LRBA: variants seen among roughly 807,000 people sequenced by gnomAD.
The protein encoded by LRBA is lipopolysaccharide-responsive and beige-like anchor protein.
LRBA carries 176 observed loss-of-function variants against 330.0 expected under a neutral mutation model. That is an observed-to-expected ratio of 0.53 (90% CI 0.47 to 0.60). LRBA has a LOEUF of 0.60. Among genes scored for constraint, LRBA ranks in the 20% least tolerant of loss-of-function variants. LRBA has a pLI of 0.00. For missense variants in LRBA, 3,259 were observed against 3,444.8 expected, an observed-to-expected ratio of 0.95 and a Z score of 1.35; for synonymous variants, 1,230 against 1,193.0, an observed-to-expected ratio of 1.03 and a Z score of -0.64.
At chr4:150,480,393 G>T (rs192258178) in intron 42 of LRBA, among the ~76,000 whole-genome samples, 1 of 151,654 alleles carries the variant, frequency 6.6e-6, no homozygotes, top group East Asian at 1.9e-4. Flanking sequence ...TACACATACA[G>T]GTTTTAATTA....
intron 48 of LRBA, among the ~76,000 whole-genome samples, chr4:150,349,205 A>G (rs1179299742): frequency 1.3e-5 from 2 of 152,314 alleles, no homozygotes; most frequent in Non-Finnish European, 2.9e-5. Flanking sequence ...GAATGCATCA[A>G]GTGCTAGGGA....
intron 17 of LRBA, among the ~76,000 whole-genome samples, chr4:150,876,993 C>T (rs182798014): frequency 3.9e-4 from 59 of 152,250 alleles, no homozygotes; most frequent in Non-Finnish European, 1.0e-4. Flanking sequence ...GTGGCTCACG[C>T]CTGTAATCCC....
rs1729936072 is a variant in LRBA at position 150,728,039 on chromosome 4, AC to A, written c.5754+7218del. On this transcript the variant is annotated intron_variant, in intron 36 of 56. Coordinates refer to ENST00000651943, the MANE Select transcript of LRBA (RefSeq NM_001364905.1). ...TGAAAAGGGAGACATTACAACTGAT[AC>A]GGTAGAAATTCAAAGGATCATTAGT... Among the ~76,000 whole-genome samples, 3 of 152,170 alleles carry A rather than the reference AC, an allele frequency of 2.0e-5. No individual in the cohort carries two copies. In the South Asian group the frequency reaches 6.2e-4, roughly 31 times the overall value.
intron 2 of LRBA, among the ~76,000 whole-genome samples, chr4:150,987,486 T>TA (rs1418799655): frequency 6.6e-6 from 1 of 152,114 alleles, no homozygotes; most frequent in Admixed American, 6.6e-5. Context: ...GCAGACCACT[T>TA]AGTCCAGTCA....
At chr4:150,524,112 G>A (rs977149726) in intron 40 of LRBA, among the ~76,000 whole-genome samples, 4 of 152,306 alleles carry the variant, frequency 2.6e-5, no homozygotes, top group African/African-American at 9.6e-5. Flanking sequence ...GTTAAGACAA[G>A]TACAGAGTAC....
intron 2 of LRBA, among the ~76,000 whole-genome samples, chr4:150,988,013 A>C (rs1310251505): frequency 6.6e-6 from 1 of 152,044 alleles, no homozygotes; most frequent in African/African-American, 2.4e-5. Flanking sequence ...AAAAAAAAAA[A>C]AAAAAAGTGC....
intron 55 of LRBA, among the ~76,000 whole-genome samples, chr4:150,279,874 C>CTT (rs1456729405): frequency 1.3e-5 from 2 of 152,200 alleles, no homozygotes; most frequent in Non-Finnish European, 1.5e-5. Context: ...ATTTGCTACA[C>CTT]TTATAAAATT....
At chr4:150,511,853 C>CTA (rs1761869401) in intron 40 of LRBA, among the ~76,000 whole-genome samples, 1 of 152,180 alleles carries the variant, frequency 6.6e-6, no homozygotes, top group Non-Finnish European at 1.5e-5. Context: ...CTCTGAGCCA[C>CTA]TATATAATAC....
At chr4:150,283,140 C>G (rs1043002036) in intron 54 of LRBA, among the ~76,000 whole-genome samples, 1 of 152,198 alleles carries the variant, frequency 6.6e-6, no homozygotes, top group Admixed American at 6.5e-5. Flanking sequence ...CCTCTTCCCC[C>G]GCAACTGCTC....
rs1745063954 is a variant in LRBA at position 150,398,630 on chromosome 4, TTTC to T, written c.7194+16805_7194+16807del. ...TAGACTTGTTTTCCAATTTTCTTTC[TTTC>T]TTTTTTTTTTTGAGACAAGGTCTTG... On this transcript the variant is annotated intron_variant, in intron 47 of 56. Coordinates refer to ENST00000651943, the MANE Select transcript of LRBA (RefSeq NM_001364905.1). Among the ~76,000 whole-genome samples the T allele has an allele frequency of 3.5e-5, 5 of 141,840 alleles. No individual in the cohort carries two copies. In the South Asian group the frequency reaches 6.4e-4, roughly 18 times the overall value. 93.1% of individuals were successfully genotyped at this position (141,840 alleles called of 152,430 possible).
chr4:150,828,633 C>A lies in LRBA; in HGVS notation c.4730-12G>T. The A allele has an allele frequency of 6.3e-7, 1 of 1,592,508 alleles. No individual in the cohort carries two copies. Among genetic ancestry groups the A allele is most frequent in the Non-Finnish European group, 8.6e-7 (1 of 1,169,462 alleles). On this transcript the variant is annotated splice_polypyrimidine_tract_variant and intron_variant, in intron 29 of 56. Coordinates refer to ENST00000651943, the MANE Select transcript of LRBA (RefSeq NM_001364905.1). ...TGCTGGTGTGATTTCTATATCATAC[C>A]CAGAAACACAAGAAATAAACAAACA...
intron 43 of LRBA, among the ~76,000 whole-genome samples, chr4:150,471,306 C>T (rs1756102767): frequency 6.6e-6 from 1 of 152,062 alleles, no homozygotes; most frequent in Non-Finnish European, 1.5e-5. Flanking sequence ...CCATTGAAAC[C>T]TTATTTTCTC....
intron 34 of LRBA, among the ~76,000 whole-genome samples, chr4:150,780,929 G>C (rs749054265): frequency 7.9e-5 from 12 of 151,892 alleles, no homozygotes; most frequent in Non-Finnish European, 1.5e-4. Flanking sequence ...ACCCAGGCTG[G>C]AGTGCAGTGG....
chr4:150,368,345 T>C (rs62347030), intron 47 of LRBA, among the ~76,000 whole-genome samples: 29,661 of 152,032 alleles, frequency 0.2, 2,943 homozygotes, highest in Admixed American at 0.22. Context: ...TAAAGCAAAA[T>C]TGTCCATTAA....
Position 150,915,697 on chromosome 4 carries a change from T to C in LRBA, c.925A>G (p.Asn309Asp). Reference sequence around the variant, plus strand: ...CGAAGTTCACTATTCTTCCATCGGTTATAGATGTGTACTATGGTAACCATA... The same window carrying C: ...CGAAGTTCACTATTCTTCCATCGGTCATAGATGTGTACTATGGTAACCATA... Reference protein sequence around the residue: ...WYMVTIVHIYNRWKNSELRCY... With the variant: ...WYMVTIVHIYDRWKNSELRCY... Residue 309 changes from asparagine (N) to aspartate (D), a missense_variant, in exon 8 of 57, where the codon AAC (asparagine) becomes GAC (aspartate). By Grantham distance (23) the Asn-to-Asp change is conservative (BLOSUM62 1). Transcript: ENST00000651943. 1 of 1,612,658 alleles carries C rather than the reference T, an allele frequency of 6.2e-7. No individual in the cohort carries two copies. The highest frequency in any genetic ancestry group is 8.5e-7 in the Non-Finnish European group (1 of 1,179,104).
rs56025404 is a variant in LRBA at position 151,003,885 on chromosome 4, CTGTGTGTGTGTGTGTGTGTGTGTGTGTG to C, written c.216+10514_216+10541del. 6.9e-4 allele frequency among the ~76,000 whole-genome samples: 92 copies of C among 134,198 alleles called. 1 individual carries two copies. The highest frequency in any genetic ancestry group is 1.1e-3 in the Non-Finnish European group (71 of 62,182). 88.0% of individuals were successfully genotyped at this position (134,198 alleles called of 152,430 possible). The stretch of plus-strand genomic sequence containing the variant: ...GAATATGTGTATCTATAGCCAACTG[CTGTGTGTGTGTGTGTGTGTGTGTGTGTG>C]TGTGTGTGTGTGTGTGTGTGTGACA... On this transcript the variant is annotated intron_variant, in intron 2 of 56. Transcript: ENST00000651943.
intron 40 of LRBA, among the ~76,000 whole-genome samples, chr4:150,574,106 T>G (rs975465935): frequency 6.6e-6 from 1 of 152,116 alleles, no homozygotes; most frequent in African/African-American, 2.4e-5. Flanking sequence ...AAACATATAT[T>G]ATTTTTCTAT....
Position 150,553,068 on chromosome 4 carries a change from CA to C in LRBA, c.6330+34979del, listed in dbSNP as rs1360646215. 2.5e-3 allele frequency among the ~76,000 whole-genome samples: 224 copies of C among 88,294 alleles called. 5 individuals carry two copies. Among genetic ancestry groups the C allele is most frequent in the African/African-American group, 7.6e-3 (173 of 22,844 alleles). 57.9% of individuals were successfully genotyped at this position (88,294 alleles called of 152,430 possible). On this transcript the variant is annotated intron_variant, in intron 40 of 56. Coordinates refer to ENST00000651943, the MANE Select transcript of LRBA (RefSeq NM_001364905.1). ...TGGGCGACAGAGCGAGGCTCTGTCTCAAAAAAAAAAAGAAAAAAAGAAAAAA... is the reference window on the plus strand; with the variant it reads ...TGGGCGACAGAGCGAGGCTCTGTCTCAAAAAAAAAAGAAAAAAAGAAAAAA...
chr4:150,401,490 C>A (rs113444792), intron 47 of LRBA, among the ~76,000 whole-genome samples: 33 of 152,088 alleles, frequency 2.2e-4, no homozygotes. Flanking sequence ...TAAGTGAGGA[C>A]TTACTATACT....
Sources: gnomAD v4.1 joint callset for allele counts (sites outside exome capture counted in the v4.1 genomes callset) on GRCh38, gnomAD v4.1.1 for gene constraint, MANE v1.5 for transcripts, NCBI Gene and HGNC (gene_info 2026-07-23, HGNC 2026-07-21) for gene names.